TELO2: variants seen among roughly 807,000 people sequenced by gnomAD.
TELO2 encodes telomere length regulation protein TEL2 homolog.
A neutral mutation model predicts 91.0 loss-of-function variants in TELO2; 71 were observed. The observed-to-expected ratio is 0.78, with a 90% CI of 0.64 to 0.95. The LOEUF is 0.95. Ranked by LOEUF, TELO2 falls within the 40% of genes least tolerant of loss-of-function variation. The probability of loss-of-function intolerance (pLI) is 0.00; values close to 1 mark genes in which losing one functional copy is unlikely to be tolerated. For synonymous variants in TELO2, 584 were observed against 518.9 expected, an observed-to-expected ratio of 1.13 and a Z score of -1.71; for missense variants, 1,183 against 1,141.3, an observed-to-expected ratio of 1.04 and a Z score of -0.53.
chr16:1,501,889 C>A, intron 11 of TELO2, 116 bp downstream of exon 11: 1 of 1,440,750 alleles, frequency 6.9e-7, no homozygotes, highest in Non-Finnish European at 9.6e-7. Flanking sequence ...TCTTCTCTTT[C>A]GTCCTCATGT....
rs964571687 is a variant in TELO2 at position 1,507,763 on chromosome 16, G to T, written c.2407+47G>T. The T allele has an allele frequency of 7.8e-6, 11 of 1,414,886 alleles. 1 individual carries two copies. Among genetic ancestry groups the T allele is most frequent in the South Asian group, 3.7e-5 (3 of 80,280 alleles). The allele number at this position is 1,414,886 out of a possible 1,614,324, so 87.6% of individuals were successfully genotyped here. A position where few individuals can be genotyped will look rare whatever the true frequency, so the allele number is the denominator to read the frequency against. ...GTGTGTGAGATGTGTGTCGGCCCGGGGTGTGTGTGTATGTGTGTGTGTGTG... is the reference window on the plus strand; with the variant it reads ...GTGTGTGAGATGTGTGTCGGCCCGGTGTGTGTGTGTATGTGTGTGTGTGTG... On this transcript the variant is annotated intron_variant, in intron 20 of 20. Coordinates refer to ENST00000262319, the MANE Select transcript of TELO2 (RefSeq NM_016111.4).
chr16:1,506,525 G>T, intron 17 of TELO2, 196 bp downstream of exon 17: 1 of 1,442,708 alleles, frequency 6.9e-7, no homozygotes, highest in South Asian at 1.4e-5. Context: ...GCTTTGCCAT[G>T]AGGCACCAGG....
intron 17 of TELO2, chr16:1,506,699 C>T: frequency 7.2e-7 from 1 of 1,384,422 alleles, no homozygotes; most frequent in South Asian, 1.5e-5. Flanking sequence ...AAGTGTGGGG[C>T]CTGGGTTGTG....
In TELO2 at chr16:1,499,392, C is replaced by T. The variant is rs1392315524; in HGVS notation, c.933+59C>T. The T allele has an allele frequency of 3.2e-6, 5 of 1,572,946 alleles. No homozygotes were observed. In the African/African-American group the frequency reaches 5.4e-5, roughly 17 times the overall value. On this transcript the variant is annotated intron_variant, in intron 6 of 20. Transcript: ENST00000262319. ...TGCCCCATCACAGCAAGAATGGCTG[C>T]AAAACATGGGGTCGGAGCGGTGTCT... is the stretch of plus-strand genomic sequence containing the variant.
At chr16:1,508,422 C>T (rs768827278) in intron 20 of TELO2, among the ~76,000 whole-genome samples, 3 of 152,242 alleles carry the variant, frequency 2.0e-5, no homozygotes, top group Non-Finnish European at 4.4e-5. Flanking sequence ...TGAGCCACCG[C>T]GCCCGGCCAG....
At chr16:1,509,405 C>G (rs1261316100) in intron 20 of TELO2, among the ~76,000 whole-genome samples, 1 of 152,196 alleles carries the variant, frequency 6.6e-6, no homozygotes, top group Non-Finnish European at 1.5e-5. Context: ...TGCGGGCAGC[C>G]AAGAGCTCTG....
At chr16:1,506,816 A>C in intron 17 of TELO2, 136 bp from the exon 18 acceptor site, 1 of 1,424,562 alleles carries the variant, frequency 7.0e-7, no homozygotes, top group Non-Finnish European at 9.2e-7. Context: ...TGCTCCTACG[A>C]TCTCGGTGCA....
chr16:1,506,925 C>T (rs750909859), intron 17 of TELO2, 27 bp from the exon 18 acceptor site: 3 of 1,586,036 alleles, frequency 1.9e-6, no homozygotes, highest in Non-Finnish European at 2.6e-6. Flanking sequence ...GCACCCGCTG[C>T]ACCTTGGGCT....
intron 20 of TELO2, among the ~76,000 whole-genome samples, chr16:1,508,513 C>T (rs934523660): frequency 1.3e-5 from 2 of 152,200 alleles, no homozygotes; most frequent in Non-Finnish European, 2.9e-5. Flanking sequence ...TCATGGATAC[C>T]GCCTCGGTTT....
At position 1,502,722 on chromosome 16, in the gene TELO2, G is replaced by A; in HGVS notation, c.1731G>A (p.Gln577=). The A allele has an allele frequency of 2.5e-6, 4 of 1,612,622 alleles. No homozygotes were observed. The highest frequency in any genetic ancestry group is 3.4e-6 in the Non-Finnish European group (4 of 1,179,868). The part of the protein sequence containing the change: ...TCVVGFAGLR[Q]RALVAVTVTD... ...TGGTGGGATTTGCAGGGCTGCGCCAGAGAGCCCTGGTGGCCGTCACGGTCA... is the reference window on the plus strand; with the variant it reads ...TGGTGGGATTTGCAGGGCTGCGCCAAAGAGCCCTGGTGGCCGTCACGGTCA... Residue 577 remains glutamine (Q), a synonymous_variant, in exon 14 of 21, where the codon CAG becomes CAA. Coordinates refer to ENST00000262319, the MANE Select transcript of TELO2 (RefSeq NM_016111.4).
chr16:1,499,410 C>T (rs1033924450), intron 6 of TELO2, 77 bp downstream of exon 6: 44 of 1,509,900 alleles, frequency 2.9e-5, no homozygotes, highest in African/African-American at 4.1e-5. Context: ...GGGGTCGGAG[C>T]GGTGTCTGCT....
intron 11 of TELO2, 88 bp downstream of exon 11, chr16:1,501,861 C>A: frequency 6.8e-7 from 1 of 1,470,562 alleles, no homozygotes; most frequent in South Asian, 1.2e-5. Context: ...GTGGGGGGCT[C>A]CCTGCCTGCT....
Position 1,494,256 on chromosome 16 carries a change from CG to C in TELO2, c.-25del, listed in dbSNP as rs764299489. The C allele has an allele frequency of 1.4e-5, 23 of 1,592,866 alleles. No individual in the cohort carries two copies. In the South Asian group the frequency reaches 2.5e-4, roughly 18 times the overall value. On this transcript the variant is annotated 5_prime_UTR_variant, in exon 2 of 21. Coordinates refer to ENST00000262319, the MANE Select transcript of TELO2 (RefSeq NM_016111.4). This position sits in a 1 kb window ranked among gnomAD's most constrained non-coding sequence, Gnocchi z 5.6. ...GTGTCCATGTCACAGGTCGTCTTCC[CG>C]TGACGCCCAGATCTGTCCTGCAGGA...
At chr16:1,502,206 AG>A in intron 12 of TELO2, 71 bp downstream of exon 12, 1 of 1,594,290 alleles carries the variant, frequency 6.3e-7, no homozygotes, top group African/African-American at 1.3e-5. Flanking sequence ...TTCTGCCTCA[AG>A]GGGCCACCGG....
chr16:1,502,910 G>A, intron 14 of TELO2, 21 bp from the exon 15 acceptor site: 3 of 1,609,726 alleles, frequency 1.9e-6, no homozygotes, highest in Non-Finnish European at 2.5e-6. Context: ...GACCACAGCA[G>A]CCTCTCCCCT....
Position 1,499,314 on chromosome 16 carries a change from T to A in TELO2, c.914T>A (p.Phe305Tyr). The A allele has an allele frequency of 6.2e-7, 1 of 1,612,008 alleles. No homozygotes were observed. Among genetic ancestry groups the A allele is most frequent in the Non-Finnish European group, 8.5e-7 (1 of 1,179,766 alleles). The change falls in exon 6 of 21, where the codon TTC (phenylalanine) becomes TAC (tyrosine). Residue 305 changes from phenylalanine to tyrosine, a missense_variant. Physicochemically the swap from Phe to Tyr is conservative, Grantham distance 22. Transcript: ENST00000262319. The stretch of plus-strand genomic sequence containing the variant: ...TTTGTGATGACCCAGAAGCTTCTGT[T>A]CTTACAGTCCCGGCTCACGGTGAGG... ...AQFVMTQKLL[F>Y]LQSRLTTPML... is the part of the protein sequence containing the mutation.
chr16:1,510,120 A>T lies in TELO2; in HGVS notation c.*184A>T, dbSNP rs2040084287. 1.7e-6 allele frequency: 1 copy of T among 600,078 alleles called. No individual in the cohort carries two copies. 37.2% of individuals were successfully genotyped at this position (600,078 alleles called of 1,614,324 possible). Reference sequence around the variant, plus strand: ...ATAGTGCAGCCAGTCCGCTAAAAATACACTGGGCCTGGGCACTGCCCGCCG... The same window carrying T: ...ATAGTGCAGCCAGTCCGCTAAAAATTCACTGGGCCTGGGCACTGCCCGCCG... On this transcript the variant is annotated 3_prime_UTR_variant, in exon 21 of 21. Coordinates refer to ENST00000262319, the MANE Select transcript of TELO2 (RefSeq NM_016111.4).
chr16:1,506,114 A>T (rs1052788089), intron 16 of TELO2, 124 bp from the exon 17 acceptor site: 2 of 1,063,564 alleles, frequency 1.9e-6, no homozygotes, highest in South Asian at 1.4e-5. Flanking sequence ...GGGCCGGAAG[A>T]GTAGCCCGGG....
chr16:1,506,184 C>T (rs564675063), intron 16 of TELO2, 54 bp from the exon 17 acceptor site: 38 of 1,588,640 alleles, frequency 2.4e-5, no homozygotes, highest in Middle Eastern at 1.7e-4. Flanking sequence ...CTAGGGGTGC[C>T]GTGCCCGCTG....
Sources: gnomAD v4.1 joint callset for allele counts (sites outside exome capture counted in the v4.1 genomes callset) on GRCh38, gnomAD v4.1.1 for gene constraint, Gnocchi (gnomAD v3.1) non-coding constraint, MANE v1.5 for transcripts, NCBI Gene and HGNC (gene_info 2026-07-23, HGNC 2026-07-21) for gene names.